RPS20: variants seen among roughly 807,000 people sequenced by gnomAD.
RPS20 encodes the protein ribosomal protein S20, also known as small ribosomal subunit protein uS10.
Under a neutral mutation model 15.3 loss-of-function variants are expected in RPS20, and 3 were observed. The ratio of observed to expected loss-of-function variants is 0.20; its 90% CI spans 0.09 to 0.51. RPS20 has a LOEUF of 0.51. RPS20 is among the 20% of genes least tolerant of loss of function. The pLI is 0.96. For synonymous variants in RPS20, 62 were observed against 47.8 expected, an observed-to-expected ratio of 1.30 and a Z score of -1.23; for missense variants, 67 against 145.9, an observed-to-expected ratio of 0.46 and a Z score of 2.79.
downstream of RPS20, among the ~76,000 whole-genome samples, chr8:56,069,403 A>G (rs181040391): frequency 4.5e-4 from 69 of 152,220 alleles, 1 homozygote; most frequent in Non-Finnish European, 9.1e-4. Context: ...GGTTCAAGAG[A>G]TTCTCCTGCT....
rs1585725548 is a variant in RPS20 at position 56,074,501 on chromosome 8, A to G, written c.-118T>C. The G allele has an allele frequency of 4.4e-6, 5 of 1,134,788 alleles. No homozygotes were observed. Among genetic ancestry groups the G allele is most frequent in the East Asian group, 2.6e-5 (1 of 38,790 alleles). The allele number at this position is 1,134,788 out of a possible 1,614,324, so 70.3% of individuals were successfully genotyped here. On this transcript the variant is annotated 5_prime_UTR_variant, in exon 1 of 4. Transcript: ENST00000009589. ...CAGCCCTTACGACCGCGTCTTCCTC[A>G]AAAAGAAAGGGGTGGGACTTGAGCA... is the stretch of plus-strand genomic sequence containing the variant.
downstream of RPS20, among the ~76,000 whole-genome samples, chr8:56,069,375 T>C (rs1473930820): frequency 1.3e-5 from 2 of 151,980 alleles, no homozygotes; most frequent in Non-Finnish European, 1.5e-5. Flanking sequence ...CTCAACTCCC[T>C]GCAACCTCTG....
At chr8:56,073,030 A>G, downstream of RPS20, 1 of 1,569,028 alleles carries the variant, frequency 6.4e-7, no homozygotes, top group African/African-American at 1.4e-5. Context: ...ATCTGCCAGT[A>G]TTCTGAATAA....
At chr8:56,069,883 T>C (rs183272840), downstream of RPS20, 20 of 835,162 alleles carry the variant, frequency 2.4e-5, no homozygotes, top group African/African-American at 5.0e-5. Flanking sequence ...TGCACATGTA[T>C]AGACATTCTT....
downstream of RPS20, among the ~76,000 whole-genome samples, chr8:56,072,213 AC>A (rs1809783089): frequency 6.7e-6 from 1 of 149,318 alleles, no homozygotes; most frequent in South Asian, 2.1e-4. Context: ...GACTGCAGAG[AC>A]CCTGTCTAAA....
At position 56,074,289 on chromosome 8, in the gene RPS20, G is replaced by A. The variant is rs572048349; in HGVS notation, c.3+92C>T. The A allele has an allele frequency of 2.8e-4, 429 of 1,535,878 alleles. 3 individuals carry two copies. In the South Asian group the frequency reaches 4.5e-3, roughly 16 times the overall value. On this transcript the variant is annotated intron_variant, in intron 1 of 3. Transcript: ENST00000009589. ...GCGCCTTTCCGCCCCTACACGCCCC[G>A]GCATCTGCCCTCAGGAGCACGAACT...
downstream of RPS20, chr8:56,067,274 T>C (rs1809635884): frequency 6.6e-6 from 1 of 152,242 alleles, no homozygotes; most frequent in Non-Finnish European, 1.5e-5. Context: ...CTCATGTTTA[T>C]TATAGCATTA....
downstream of RPS20, chr8:56,069,845 A>C (rs1409854594): frequency 1.4e-6 from 2 of 1,381,496 alleles, no homozygotes; most frequent in South Asian, 2.5e-5. Flanking sequence ...TGTAGATCAA[A>C]AGTATTCAGA....
At chr8:56,071,560 G>T (rs1263701447), downstream of RPS20, among the ~76,000 whole-genome samples, 2 of 152,202 alleles carry the variant, frequency 1.3e-5, no homozygotes, top group Non-Finnish European at 2.9e-5. Context: ...CAGTAGGGGA[G>T]GGGCAAGGGG....
downstream of RPS20, among the ~76,000 whole-genome samples, chr8:56,070,992 C>T (rs909823797): frequency 2.6e-5 from 4 of 152,162 alleles, no homozygotes; most frequent in African/African-American, 4.8e-5. Flanking sequence ...TTCAAAGGCC[C>T]TGCAGTTTTA....
chr8:56,069,696 C>A, downstream of RPS20: 1 of 1,539,760 alleles, frequency 6.5e-7, no homozygotes, highest in East Asian at 2.4e-5. Flanking sequence ...TGTTTCTCCA[C>A]TTATACCTGC....
At chr8:56,071,833 T>G (rs2953916), downstream of RPS20, among the ~76,000 whole-genome samples, 2 of 152,054 alleles carry the variant, frequency 1.3e-5, no homozygotes, top group African/African-American at 4.8e-5. Flanking sequence ...TATTAAAAAT[T>G]TCAAAAATTT....
At chr8:56,073,654 C>T (rs1436478482) in intron 3 of RPS20, 41 bp downstream of exon 3, 2 of 1,529,392 alleles carry the variant, frequency 1.3e-6, no homozygotes, top group South Asian at 1.1e-5. Flanking sequence ...ATGCAACATC[C>T]GGAAGCAACT....
exon 6 of RPS20, chr8:56,067,355 T>A (rs912289698): frequency 6.6e-6 from 1 of 152,164 alleles, no homozygotes; most frequent in African/African-American, 2.4e-5. Flanking sequence ...AAGTGGTATA[T>A]ATACATACAT....
downstream of RPS20, chr8:56,069,854 GA>G (rs762983865): frequency 2.7e-5 from 36 of 1,318,320 alleles, no homozygotes; most frequent in Non-Finnish European, 3.6e-5. Flanking sequence ...AAAGTATTCA[GA>G]AAAAAAATTG....
downstream of RPS20, chr8:56,072,936 C>G: frequency 7.2e-6 from 10 of 1,380,980 alleles, no homozygotes; most frequent in Non-Finnish European, 9.4e-6. Flanking sequence ...CAAACGACAA[C>G]GAAAACAGGA....
At chr8:56,072,776 G>C (rs1489942423), downstream of RPS20, 1 of 681,680 alleles carries the variant, frequency 1.5e-6, no homozygotes, top group Non-Finnish European at 1.8e-6. Flanking sequence ...TCAACCATGG[G>C]TGTGCATTAC....
chr8:56,071,596 T>C (rs1016648086), downstream of RPS20, among the ~76,000 whole-genome samples: 1 of 152,182 alleles, frequency 6.6e-6, no homozygotes, highest in African/African-American at 2.4e-5. Context: ...CTGTGAGACT[T>C]CAGTAGACAA....
downstream of RPS20, chr8:56,072,952 C>A: frequency 7.1e-7 from 1 of 1,418,202 alleles, no homozygotes; most frequent in Non-Finnish European, 9.2e-7. Context: ...CAGGATAGAC[C>A]ACTCTAAGAT....
Sources: gnomAD v4.1 joint callset for allele counts (sites outside exome capture counted in the v4.1 genomes callset) on GRCh38, gnomAD v4.1.1 for gene constraint, MANE v1.5 for transcripts, NCBI Gene and HGNC (gene_info 2026-07-23, HGNC 2026-07-21) for gene names.